Variants in NNMT observed in about 807,000 individuals in gnomAD.
NNMT encodes the protein nicotinamide N-methyltransferase.
A neutral mutation model predicts 11.7 loss-of-function variants in NNMT; 10 were observed. That is an observed-to-expected ratio of 0.85 (90% CI 0.53 to 1.45). NNMT has a LOEUF of 1.45. Among genes scored for constraint, NNMT ranks in the 40% most tolerant of loss-of-function variants. The pLI is 0.00. For synonymous variants in NNMT, 143 were observed against 133.8 expected (o/e 1.07, Z -0.48); for missense variants, 381 against 319.4 (o/e 1.19, Z -1.47).
intron 2 of NNMT, among the ~76,000 whole-genome samples, chr11:114,274,752 A>G (rs1213830411): frequency 6.6e-6 from 1 of 152,222 alleles, no homozygotes; most frequent in Non-Finnish European, 1.5e-5. Context: ...TCTGAGCCCA[A>G]GCATATGCAT....
chr11:114,285,355 T>C (rs1945290613), intron 2 of NNMT, among the ~76,000 whole-genome samples: 1 of 152,156 alleles, frequency 6.6e-6, no homozygotes, highest in Non-Finnish European at 1.5e-5. Flanking sequence ...GTACATACAG[T>C]GACGCCCTTA....
In NNMT at chr11:114,312,614, G is replaced by C. The variant is rs887517510; in HGVS notation, c.*137G>C. 4 of 790,462 alleles carry C rather than the reference G, an allele frequency of 5.1e-6. No individual in the cohort carries two copies. The highest frequency in any genetic ancestry group is 2.6e-5 in the Admixed American group (1 of 38,186). The allele number at this position is 790,462 out of a possible 1,614,324, so 49.0% of individuals were successfully genotyped here. ...GGTTCATCTAGGACGGGACTAGAGAGGTCAGTCTACAAGCAATCCATTGAC... is the reference window on the plus strand; with the variant it reads ...GGTTCATCTAGGACGGGACTAGAGACGTCAGTCTACAAGCAATCCATTGAC... On this transcript the variant is annotated 3_prime_UTR_variant, in exon 3 of 3. Transcript: ENST00000299964.
chr11:114,307,778 C>T (rs147732629), intron 2 of NNMT, among the ~76,000 whole-genome samples: 111 of 152,048 alleles, frequency 7.3e-4, no homozygotes, highest in African/African-American at 2.5e-3. Flanking sequence ...CTGGAATTTC[C>T]TCCCGCCCTC....
chr11:114,261,821 TCAAATCCAACTCC>T (rs1370244481), intron 1 of NNMT, among the ~76,000 whole-genome samples: 3 of 152,136 alleles, frequency 2.0e-5, no homozygotes, highest in Non-Finnish European at 4.4e-5. Flanking sequence ...ACTGGCCATA[TCAAATCCAACTCC>T]TCCCATCCCT....
rs764563770 is a variant in NNMT, at chr11:114,297,997, T to C, written c.201T>C (p.Thr67=). ...DLLIDIGSGP[T]IYQLLSACES... ...TGATTGACATCGGCTCTGGCCCCAC[T>C]ATCTATCAGCTCCTCTCTGCTTGTG... The change falls in exon 2 of 3, where the codon ACT becomes ACC. Residue 67 remains threonine (T), a synonymous_variant. Transcript: ENST00000299964. The C allele has an allele frequency of 6.2e-7, 1 of 1,613,754 alleles. No homozygotes were observed.
chr11:114,300,712 A>C (rs373754638), intron 2 of NNMT, among the ~76,000 whole-genome samples: 8 of 152,306 alleles, frequency 5.3e-5, no homozygotes, highest in African/African-American at 1.7e-4. Flanking sequence ...TAGCTCTGTT[A>C]TATACATTTT....
At chr11:114,274,493 G>A (rs1301540357) in intron 2 of NNMT, among the ~76,000 whole-genome samples, 4 of 152,254 alleles carry the variant, frequency 2.6e-5, no homozygotes, top group Admixed American at 1.3e-4. Flanking sequence ...GAAGGGATTA[G>A]GCAAGGAGTT....
In NNMT at chr11:114,312,512, C is replaced by G. The variant is rs778038346; in HGVS notation, c.*35C>G. On this transcript the variant is annotated 3_prime_UTR_variant, in exon 3 of 3. Transcript: ENST00000299964. ...CCTCAATTAAAGCAATTCCTTTGAC[C>G]TGTCCAGTTGACTTTAGTCCTTGTT... 4.4e-6 allele frequency: 7 copies of G among 1,585,888 alleles called. No homozygotes were observed. The highest frequency in any genetic ancestry group is 1.7e-5 in the Admixed American group (1 of 59,164).
rs774990793 is a variant in NNMT at position 114,312,297 on chromosome 11, G to T, written c.615G>T (p.Met205Ile). Residue 205 changes from methionine (M) to isoleucine (I), a missense_variant, in exon 3 of 3, where the codon ATG (methionine) becomes ATT (isoleucine). Physicochemically the swap from Met to Ile is conservative, Grantham distance 10. Coordinates refer to ENST00000299964, the MANE Select transcript of NNMT (RefSeq NM_006169.3). The stretch of plus-strand genomic sequence containing the variant: ...ATGCGCTCAAGAGCAGCTACTACAT[G>T]ATTGGTGAGCAGAAGTTCTCCAGCC... ...IMDALKSSYY[M>I]IGEQKFSSLP... 7 of 1,614,124 alleles carry T rather than the reference G, an allele frequency of 4.3e-6. No homozygotes were observed. Among genetic ancestry groups the T allele is most frequent in the Non-Finnish European group, 3.4e-6 (4 of 1,180,044 alleles).
upstream of NNMT, among the ~76,000 whole-genome samples, chr11:114,295,292 G>A (rs903990426): frequency 2.6e-5 from 4 of 152,188 alleles, no homozygotes; most frequent in Non-Finnish European, 4.4e-5. Context: ...TTGTCAGTGA[G>A]GTAGTGGTGT....
chr11:114,277,633 A>G (rs897492419), intron 2 of NNMT, among the ~76,000 whole-genome samples: 2 of 152,182 alleles, frequency 1.3e-5, no homozygotes, highest in East Asian at 1.9e-4. Context: ...ATAACATACT[A>G]TGTTAGGTGA....
chr11:114,272,084 C>T (rs1023346390), intron 2 of NNMT, among the ~76,000 whole-genome samples: 6 of 151,960 alleles, frequency 3.9e-5, no homozygotes, highest in African/African-American at 1.5e-4. Context: ...GCTGGGCTTG[C>T]GGGGATGGTT....
intron 2 of NNMT, among the ~76,000 whole-genome samples, chr11:114,267,173 G>C (rs930652917): frequency 2.6e-5 from 4 of 152,192 alleles, no homozygotes; most frequent in African/African-American, 9.7e-5. Context: ...GCTGAGGCAA[G>C]AGAATCACTT....
chr11:114,288,966 TTTTG>T (rs749711658), intron 2 of NNMT, among the ~76,000 whole-genome samples: 119 of 152,300 alleles, frequency 7.8e-4, no homozygotes, highest in Non-Finnish European at 1.2e-3. Context: ...TATTTTCTCT[TTTTG>T]TATTCTCTGA....
chr11:114,304,556 T>A (rs1259127842), intron 2 of NNMT, among the ~76,000 whole-genome samples: 1 of 152,248 alleles, frequency 6.6e-6, no homozygotes, highest in Non-Finnish European at 1.5e-5. Context: ...TTCAAGTAGC[T>A]TTATCAACCT....
chr11:114,300,440 G>T (rs1188609653), intron 2 of NNMT, among the ~76,000 whole-genome samples: 1 of 152,078 alleles, frequency 6.6e-6, no homozygotes, highest in African/African-American at 2.4e-5. Context: ...CTCTGCATAT[G>T]GTCTATCTCA....
chr11:114,280,000 C>T (rs1191780915), intron 2 of NNMT, among the ~76,000 whole-genome samples: 2 of 152,014 alleles, frequency 1.3e-5, no homozygotes, highest in African/African-American at 2.4e-5. Flanking sequence ...GAAGAAGCCA[C>T]GTGACAAAGG....
At chr11:114,289,983 T>A (rs1945323856) in intron 2 of NNMT, among the ~76,000 whole-genome samples, 1 of 152,216 alleles carries the variant, frequency 6.6e-6, no homozygotes, top group South Asian at 2.1e-4. Flanking sequence ...TCTCACCGTG[T>A]CCTCATGTGG....
At chr11:114,260,740 C>T (rs987599387) in intron 1 of NNMT, among the ~76,000 whole-genome samples, 1 of 152,182 alleles carries the variant, frequency 6.6e-6, no homozygotes, top group Non-Finnish European at 1.5e-5. Flanking sequence ...AGCATACGGA[C>T]CCACGGAACC....
Sources: gnomAD v4.1 joint callset for allele counts (sites outside exome capture counted in the v4.1 genomes callset) on GRCh38, gnomAD v4.1.1 for gene constraint, MANE v1.5 for transcripts, NCBI Gene and HGNC (gene_info 2026-07-23, HGNC 2026-07-21) for gene names.